Variants in PAQR5 observed in about 807,000 individuals in gnomAD.
The protein encoded by PAQR5 is progestin and adipoQ receptor family member 5.
A neutral mutation model predicts 34.5 loss-of-function variants in PAQR5; 20 were observed. The ratio of observed to expected loss-of-function variants is 0.58; its 90% confidence interval spans 0.41 to 0.84. The LOEUF (loss-of-function observed/expected upper bound fraction) is 0.84, where lower values mean the gene tolerates loss of function less well. Ranked by LOEUF, PAQR5 falls within the 40% of genes least tolerant of loss-of-function variation. The pLI is 0.00. For missense variants in PAQR5, 378 were observed against 412.7 expected, an observed-to-expected ratio of 0.92 and a Z score of 0.73; for synonymous variants, 131 against 155.6, an observed-to-expected ratio of 0.84 and a Z score of 1.18.
intron 2 of PAQR5, among the ~76,000 whole-genome samples, chr15:69,356,968 G>T (rs2055095345): frequency 6.6e-6 from 1 of 151,816 alleles, no homozygotes; most frequent in South Asian, 2.1e-4. Context: ...CATGGGGGCA[G>T]ATCCCTCGTG....
intron 1 of PAQR5, among the ~76,000 whole-genome samples, chr15:69,310,673 G>A (rs533404350): frequency 8.5e-5 from 13 of 152,154 alleles, no homozygotes; most frequent in African/African-American, 2.4e-5. Flanking sequence ...TACATTATAC[G>A]TTTTTCCCTT....
At chr15:69,329,111 T>C (rs2054319794) in intron 1 of PAQR5, among the ~76,000 whole-genome samples, 1 of 152,264 alleles carries the variant, frequency 6.6e-6, no homozygotes, top group Admixed American at 6.5e-5. Flanking sequence ...CACCAGGCAC[T>C]GCAAGGGGCT....
chr15:69,351,169 CT>C (rs1205581326), intron 2 of PAQR5, among the ~76,000 whole-genome samples: 2 of 152,232 alleles, frequency 1.3e-5, no homozygotes, highest in African/African-American at 4.8e-5. Flanking sequence ...GCCATTAGAG[CT>C]GTCTCTACCT....
At position 69,392,976 on chromosome 15, in the gene PAQR5, G is replaced by A. The variant is rs1371482422; in HGVS notation, c.512+3196G>A. Among the ~76,000 whole-genome samples, 3 of 152,040 alleles carry A rather than the reference G, an allele frequency of 2.0e-5. No individual in the cohort carries two copies. In the East Asian group the frequency reaches 5.8e-4, roughly 29 times the overall value. On this transcript the variant is annotated intron_variant, in intron 6 of 8. Coordinates refer to ENST00000395407, the MANE Select transcript of PAQR5 (RefSeq NM_017705.4). ...GGGCCTGTGGGTCCTATGAGGACTG[G>A]CCCTTTGCTCATGAAGGATGAGAAT...
At position 69,384,705 on chromosome 15, in the gene PAQR5, C is replaced by T. The variant is rs761162174; in HGVS notation, c.208C>T (p.Leu70=). 1 of 1,613,982 alleles carries T rather than the reference C, an allele frequency of 6.2e-7. No individual in the cohort carries two copies. The highest frequency in any genetic ancestry group is 2.2e-5 in the East Asian group (1 of 44,878). The change falls in exon 5 of 9, where the codon CTG becomes TTG. Residue 70 remains leucine (L), a synonymous_variant. Coordinates refer to ENST00000395407, the MANE Select transcript of PAQR5 (RefSeq NM_017705.4). ...WFFAWRFVTA[L]YMTDIKNDSY... is the part of the protein sequence containing the mutation. ...CTTTGCATGGAGGTTTGTGACTGCA[C>T]TGTATATGACAGACATCAAGAATGA... is the stretch of plus-strand genomic sequence containing the variant.
chr15:69,310,147 G>A (rs1256681705), intron 1 of PAQR5, among the ~76,000 whole-genome samples: 1 of 152,086 alleles, frequency 6.6e-6, no homozygotes, highest in Non-Finnish European at 1.5e-5. Context: ...TAACTAATCT[G>A]TTTTTTGGAC....
chr15:69,364,023 CCA>C (rs959395313), intron 3 of PAQR5, among the ~76,000 whole-genome samples: 1 of 152,118 alleles, frequency 6.6e-6, no homozygotes, highest in South Asian at 2.1e-4. Flanking sequence ...TGCAGCTCTG[CCA>C]CACAGTCATA....
intron 2 of PAQR5, among the ~76,000 whole-genome samples, chr15:69,340,422 G>A (rs1480351730): frequency 6.6e-6 from 1 of 152,196 alleles, no homozygotes; most frequent in Non-Finnish European, 1.5e-5. Context: ...TCCATTGAGA[G>A]GTTGTGACCT....
intron 5 of PAQR5, among the ~76,000 whole-genome samples, chr15:69,386,795 T>A (rs950588713): frequency 3.3e-5 from 5 of 151,658 alleles, no homozygotes; most frequent in African/African-American, 1.2e-4. Flanking sequence ...AATGTAAACC[T>A]CTTACCTGAG....
At chr15:69,311,448 T>C (rs1278712739) in intron 1 of PAQR5, among the ~76,000 whole-genome samples, 3 of 152,132 alleles carry the variant, frequency 2.0e-5, no homozygotes, top group African/African-American at 7.2e-5. Flanking sequence ...TTGTATTTGT[T>C]TGTGTGGCAT....
At position 69,394,983 on chromosome 15, in the gene PAQR5, C is replaced by T. The variant is rs550830521; in HGVS notation, c.513-2485C>T. 7.9e-5 allele frequency among the ~76,000 whole-genome samples: 12 copies of T among 152,318 alleles called. No individual in the cohort carries two copies. The South Asian group carries it at 2.5e-3, about 32-fold the overall frequency. ...TGGGGAAACACTTTATCAGGCCGAG[C>T]GAAATGTTGTCTCAAGTCACAGAAA... On this transcript the variant is annotated intron_variant, in intron 6 of 8. Transcript: ENST00000395407.
rs903701826 is a variant in PAQR5, at chr15:69,301,860, T to A, written c.-277+2804T>A. Among the ~76,000 whole-genome samples, 32 of 4,888 alleles carry A rather than the reference T, an allele frequency of 6.5e-3. No homozygotes were observed. In the South Asian group the frequency reaches 0.086, roughly 13 times the overall value. 3.2% of individuals were successfully genotyped at this position (4,888 alleles called of 152,430 possible). ...TGAATTCATAAGAAATGGGGGGAGATTTTTTTTTTTTTTTTTTTTTTTTTT... is the reference window on the plus strand; with the variant it reads ...TGAATTCATAAGAAATGGGGGGAGAATTTTTTTTTTTTTTTTTTTTTTTTT... On this transcript the variant is annotated intron_variant, in intron 1 of 8. Transcript: ENST00000395407.
In PAQR5 at chr15:69,389,710, T is replaced by A. The variant is rs1478314370; in HGVS notation, c.442T>A (p.Phe148Ile). 6.2e-7 allele frequency: 1 copy of A among 1,614,074 alleles called. No homozygotes were observed. The highest frequency in any genetic ancestry group is 1.7e-5 in the Admixed American group (1 of 60,004). The part of the protein sequence containing the change: ...TFPDALMCTT[F>I]HDYYVALAVL... ...CCCGGATGCGCTCATGTGCACCACT[T>A]TCCATGACTACTACGTGGCCCTGGC... The change falls in exon 6 of 9, where the codon TTC becomes ATC. Residue 148 changes from phenylalanine (F) to isoleucine (I), a missense_variant. Physicochemically the swap from Phe to Ile is conservative, Grantham distance 21. Transcript: ENST00000395407.
intron 3 of PAQR5, among the ~76,000 whole-genome samples, chr15:69,379,193 C>T (rs533701988): frequency 6.6e-6 from 1 of 152,184 alleles, no homozygotes; most frequent in African/African-American, 2.4e-5. Flanking sequence ...TTCTCACTTA[C>T]CACTTTTAGT....
rs1271525607 is a variant in PAQR5, at chr15:69,301,980, G to A, written c.-277+2924G>A. On this transcript the variant is annotated intron_variant, in intron 1 of 8. Coordinates refer to ENST00000395407, the MANE Select transcript of PAQR5 (RefSeq NM_017705.4). ...ACAGGGACAGCTCTCAGGGGTGGTG[G>A]GGGTGGTAGGTTTGTGCATGGGCTT... is the stretch of plus-strand genomic sequence containing the variant. Among the ~76,000 whole-genome samples the A allele has an allele frequency of 4.0e-5, 6 of 150,534 alleles. No homozygotes were observed. The East Asian group carries it at 1.2e-3, about 30-fold the overall frequency.
At chr15:69,357,369 T>C (rs1436534464) in intron 2 of PAQR5, among the ~76,000 whole-genome samples, 4 of 152,106 alleles carry the variant, frequency 2.6e-5, no homozygotes, top group African/African-American at 9.7e-5. Flanking sequence ...GTTCAAGCAA[T>C]TCTCCTGCCT....
intron 6 of PAQR5, among the ~76,000 whole-genome samples, chr15:69,394,690 G>T (rs1354549102): frequency 6.6e-6 from 1 of 152,172 alleles, no homozygotes; most frequent in Non-Finnish European, 1.5e-5. Flanking sequence ...CCTCTGGTGC[G>T]GGACTGCCCT....
intron 1 of PAQR5, among the ~76,000 whole-genome samples, chr15:69,330,416 C>A (rs532812072): frequency 1.3e-5 from 2 of 152,186 alleles, no homozygotes; most frequent in African/African-American, 2.4e-5. Context: ...TTAACATTAG[C>A]CACAGAATTA....
chr15:69,309,577 C>T (rs1216812021), intron 1 of PAQR5, among the ~76,000 whole-genome samples: 4 of 152,128 alleles, frequency 2.6e-5, no homozygotes, highest in Admixed American at 2.0e-4. Context: ...CTCCTATCTC[C>T]CCCGATCTCC....
Sources: allele counts gnomAD v4.1 joint callset (sites outside exome capture counted in the v4.1 genomes callset), GRCh38; gene constraint gnomAD v4.1.1; transcripts MANE v1.5; gene names NCBI Gene and HGNC (gene_info 2026-07-23, HGNC 2026-07-21).